The following HOOK1 variants were observed in gnomAD, a reference collection of about 807,000 sequenced individuals.
The protein encoded by HOOK1 is protein Hook homolog 1.
Under a neutral mutation model 112.8 loss-of-function variants are expected in HOOK1, and 60 were observed. That is an observed-to-expected ratio of 0.53 (90% confidence interval 0.43 to 0.66). The LOEUF (loss-of-function observed/expected upper bound fraction) is 0.66, where lower values mean the gene tolerates loss of function less well. Among genes scored for constraint, HOOK1 ranks in the 30% least tolerant of loss-of-function variants. The pLI, the probability that HOOK1 is intolerant of heterozygous loss-of-function variation, is 0.00. For synonymous variants in HOOK1, 294 were observed against 283.8 expected (o/e 1.04, Z -0.36); for missense variants, 770 against 856.0 (o/e 0.90, Z 1.25).
chr1:59,829,641 AT>A (rs1211092531), intron 3 of HOOK1, among the ~76,000 whole-genome samples: 1 of 151,820 alleles, frequency 6.6e-6, no homozygotes, highest in Non-Finnish European at 1.5e-5. Flanking sequence ...GCTATTGGTT[AT>A]TTGTGTCTTT....
chr1:59,819,730 A>G (rs891334668), intron 1 of HOOK1, among the ~76,000 whole-genome samples: 1 of 152,156 alleles, frequency 6.6e-6, no homozygotes. Flanking sequence ...TTTTGTAAAA[A>G]GTTAATGATG....
chr1:59,865,123 T>C (rs1559062522), intron 17 of HOOK1, 40 bp from the exon 18 acceptor site: 1 of 1,233,022 alleles, frequency 8.1e-7, no homozygotes, highest in Non-Finnish European at 1.2e-6. Context: ...ACAAATGTTA[T>C]ATGGCAGAGA....
intron 8 of HOOK1, among the ~76,000 whole-genome samples, chr1:59,842,596 A>C (rs1199213619): frequency 1.3e-5 from 2 of 152,138 alleles, no homozygotes; most frequent in African/African-American, 4.8e-5. Context: ...TATTTACATA[A>C]CTGGATTGAA....
At chr1:59,865,454 A>G (rs916657894) in intron 18 of HOOK1, among the ~76,000 whole-genome samples, 2 of 152,182 alleles carry the variant, frequency 1.3e-5, no homozygotes, top group African/African-American at 2.4e-5. Context: ...ATTGATGGAT[A>G]TATGGGAGTA....
chr1:59,849,829 G>A (rs1331004931), intron 12 of HOOK1, among the ~76,000 whole-genome samples: 1 of 151,622 alleles, frequency 6.6e-6, no homozygotes, highest in Non-Finnish European at 1.5e-5. Flanking sequence ...ATGCCCCATT[G>A]TATGGACATA....
chr1:59,821,893 T>C lies in HOOK1; in HGVS notation c.99T>C (p.Asp33=), dbSNP rs2098385961. 2 of 1,606,942 alleles carry C rather than the reference T, an allele frequency of 1.2e-6. No homozygotes were observed. Among genetic ancestry groups the C allele is most frequent in the Non-Finnish European group, 1.7e-6 (2 of 1,177,648 alleles). ...TCAATACTGCCTCACCTTGTCAAGA[T>C]GTCAAACAGCTGACTAGTGGAGTTG... ...QTFNTASPCQ[D]VKQLTSGVAM... is the part of the protein sequence containing the mutation. Residue 33 remains aspartate (D), a synonymous_variant, in exon 2 of 22, where the codon GAT becomes GAC. Coordinates refer to ENST00000371208, the MANE Select transcript of HOOK1 (RefSeq NM_015888.6).
At chr1:59,820,088 G>A (rs1461133504) in intron 1 of HOOK1, among the ~76,000 whole-genome samples, 5 of 152,138 alleles carry the variant, frequency 3.3e-5, no homozygotes, top group Non-Finnish European at 7.3e-5. Context: ...ACTTTTCAGT[G>A]ATTTTTCATC....
Position 59,835,366 on chromosome 1 carries a change from C to A in HOOK1, c.428C>A (p.Thr143Lys). ...KKQEHIQNIM[T>K]LEESVQHVVM... ...ATAGAACATATTCAAAATATAATGA[C>A]ACTGGAAGAGTCTGTTCAACATGTG... is the stretch of plus-strand genomic sequence containing the variant. Residue 143 changes from threonine (T) to lysine (K), a missense_variant, in exon 6 of 22, where the codon ACA (threonine) becomes AAA (lysine). Transcript: ENST00000371208. 6.3e-7 allele frequency: 1 copy of A among 1,586,160 alleles called. No individual in the cohort carries two copies. The highest frequency in any genetic ancestry group is 8.7e-7 in the Non-Finnish European group (1 of 1,156,000).
chr1:59,817,833 A>G (rs2098382760), intron 1 of HOOK1, among the ~76,000 whole-genome samples: 1 of 152,182 alleles, frequency 6.6e-6, no homozygotes, highest in Non-Finnish European at 1.5e-5. Flanking sequence ...TGTCTTATCT[A>G]TAACACAGTA....
intron 12 of HOOK1, among the ~76,000 whole-genome samples, chr1:59,849,553 C>G (rs1410872247): frequency 2.0e-5 from 3 of 151,564 alleles, no homozygotes; most frequent in Non-Finnish European, 4.4e-5. Flanking sequence ...TTAATATATT[C>G]ACAGAGTTAT....
chr1:59,836,795 A>C, intron 6 of HOOK1, 78 bp from the exon 7 acceptor site: 1 of 825,916 alleles, frequency 1.2e-6, no homozygotes, highest in South Asian at 1.9e-5. Context: ...AAATCATTTT[A>C]CTATCCTTTC....
chr1:59,815,649 T>G (rs2098380807), intron 1 of HOOK1, among the ~76,000 whole-genome samples: 5 of 151,994 alleles, frequency 3.3e-5, no homozygotes, highest in Admixed American at 3.3e-4. Flanking sequence ...TGGACACAGG[T>G]GGCCAGGAGG....
chr1:59,833,500 T>C lies in HOOK1; in HGVS notation c.369T>C (p.Leu123=). 6.3e-7 allele frequency: 1 copy of C among 1,588,428 alleles called. No individual in the cohort carries two copies. Among genetic ancestry groups the C allele is most frequent in the Non-Finnish European group, 8.6e-7 (1 of 1,162,978 alleles). The change falls in exon 5 of 22, where the codon CTT becomes CTC. Residue 123 remains leucine (L), a synonymous_variant. Coordinates refer to ENST00000371208, the MANE Select transcript of HOOK1 (RefSeq NM_015888.6). The part of the protein sequence containing the change: ...DPVELGRLLQ[L]ILGCAINCEK... The stretch of plus-strand genomic sequence containing the variant: ...TGGAGCTTGGGAGGTTGCTCCAGCT[T>C]ATTTTAGGTTGTGCGATCAACTGTG...
intron 2 of HOOK1, 141 bp from the exon 3 acceptor site, chr1:59,828,639 T>C (rs1217828561): frequency 3.5e-6 from 2 of 573,260 alleles, no homozygotes; most frequent in Non-Finnish European, 6.0e-6. Flanking sequence ...ATATGATAAA[T>C]TATTGCTATA....
intron 2 of HOOK1, among the ~76,000 whole-genome samples, chr1:59,827,721 A>G (rs976443091): frequency 6.6e-6 from 1 of 151,792 alleles, no homozygotes; most frequent in East Asian, 1.9e-4. Context: ...GAAAGTAGTG[A>G]AGCCATTTTT....
At chr1:59,815,245 G>C (rs977154265) in intron 1 of HOOK1, 65 bp downstream of exon 1, 1 of 1,443,780 alleles carries the variant, frequency 6.9e-7, no homozygotes, top group East Asian at 2.5e-5. Flanking sequence ...TGGGGCGCCC[G>C]GTTCTCCCAG....
chr1:59,857,340 G>C (rs1394937204), intron 12 of HOOK1, among the ~76,000 whole-genome samples: 1 of 152,130 alleles, frequency 6.6e-6, no homozygotes, highest in Non-Finnish European at 1.5e-5. Context: ...TGCAGAGCTG[G>C]GGAGACGGGA....
chr1:59,833,264 T>G, intron 4 of HOOK1, 141 bp from the exon 5 acceptor site: 3 of 687,272 alleles, frequency 4.4e-6, no homozygotes, highest in Non-Finnish European at 6.4e-6. Flanking sequence ...GCTAACTGGT[T>G]TTAATAATTA....
intron 2 of HOOK1, among the ~76,000 whole-genome samples, chr1:59,825,927 T>A (rs1284137885): frequency 2.0e-5 from 3 of 152,180 alleles, no homozygotes; most frequent in African/African-American, 4.8e-5. Flanking sequence ...TCCATGGACA[T>A]ACTTACATGA....
Sources: allele counts gnomAD v4.1 joint callset (sites outside exome capture counted in the v4.1 genomes callset), GRCh38; gene constraint gnomAD v4.1.1; transcripts MANE v1.5; gene names NCBI Gene and HGNC (gene_info 2026-07-23, HGNC 2026-07-21).